TMEM65: variants seen among roughly 807,000 people sequenced by gnomAD.
The protein encoded by TMEM65 is transmembrane protein 65.
Under a neutral mutation model 25.4 loss-of-function variants are expected in TMEM65, and 22 were observed. That is an observed-to-expected ratio of 0.86 (90% CI 0.62 to 1.23). The LOEUF is 1.23. Among genes scored for constraint, TMEM65 ranks in the 50% most tolerant of loss-of-function variants. TMEM65 has a pLI of 0.00. For missense variants in TMEM65, 262 were observed against 308.2 expected, an observed-to-expected ratio of 0.85 and a Z score of 1.12; for synonymous variants, 132 against 126.2, an observed-to-expected ratio of 1.05 and a Z score of -0.31.
chr8:124,350,920 C>A, intron 1 of TMEM65: 1 of 870,968 alleles, frequency 1.1e-6, no homozygotes, highest in Non-Finnish European at 1.4e-6. Flanking sequence ...ATCATACAGA[C>A]AGTCAAAAAC....
At chr8:124,332,521 TAAAG>T (rs1814444615) in intron 1 of TMEM65, among the ~76,000 whole-genome samples, 1 of 152,026 alleles carries the variant, frequency 6.6e-6, no homozygotes, top group Admixed American at 6.6e-5. Flanking sequence ...CGTGTAGTAA[TAAAG>T]AAAAAAATCA....
rs1814182640 is a variant in TMEM65 at position 124,312,954 on chromosome 8, GAGA to G, written c.*1003_*1005del. ...GTATTCAGACTTATTCCATTCAGAT[GAGA>G]AGATGACATCTTTGGAGGGAAAAAA... is the stretch of plus-strand genomic sequence containing the variant. On this transcript the variant is annotated 3_prime_UTR_variant, in exon 7 of 7. Coordinates refer to ENST00000297632, the MANE Select transcript of TMEM65 (RefSeq NM_194291.3). 2 of 150,940 alleles carry G rather than the reference GAGA, an allele frequency of 1.3e-5. No individual in the cohort carries two copies. The highest frequency in any genetic ancestry group is 2.1e-4 in the South Asian group (1 of 4,818). 9.4% of individuals were successfully genotyped at this position (150,940 alleles called of 1,614,324 possible). A position where few individuals can be genotyped will look rare whatever the true frequency, so the allele number is the denominator to read the frequency against.
rs563697271 is a variant in TMEM65 at position 124,334,328 on chromosome 8, G to A, written c.305-3536C>T. On this transcript the variant is annotated intron_variant, in intron 1 of 6. Transcript: ENST00000297632. ...ATTAGCAGACAAAAACTTTAAAGGA[G>A]CAATTAAAATTGTATTCAAAGATGT... Among the ~76,000 whole-genome samples, 13 of 152,172 alleles carry A rather than the reference G, an allele frequency of 8.5e-5. No homozygotes were observed. In the South Asian group the frequency reaches 1.4e-3, roughly 17 times the overall value.
At chr8:124,323,516 A>G (rs901975801) in intron 3 of TMEM65, 141 bp from the exon 4 acceptor site, 57 of 365,622 alleles carry the variant, frequency 1.6e-4, no homozygotes, top group Non-Finnish European at 4.5e-5. Context: ...TGCACATATA[A>G]TATAGTAATT....
At chr8:124,337,351 C>T (rs1232688811) in intron 1 of TMEM65, among the ~76,000 whole-genome samples, 1 of 151,986 alleles carries the variant, frequency 6.6e-6, no homozygotes, top group East Asian at 1.9e-4. Flanking sequence ...AACCAGATGA[C>T]TATTCCTCAT....
chr8:124,322,426 C>A (rs1814315020), intron 4 of TMEM65, among the ~76,000 whole-genome samples: 1 of 152,068 alleles, frequency 6.6e-6, no homozygotes, highest in Non-Finnish European at 1.5e-5. Flanking sequence ...TTTGTAGTAT[C>A]TTTCATATAA....
intron 1 of TMEM65, chr8:124,351,219 G>T (rs1814703411): frequency 1.6e-6 from 1 of 633,204 alleles, no homozygotes; most frequent in Non-Finnish European, 2.0e-6. Context: ...CCACATGCTA[G>T]TATACAGGCA....
chr8:124,339,524 T>C (rs2131211648), intron 1 of TMEM65, among the ~76,000 whole-genome samples: 1 of 152,122 alleles, frequency 6.6e-6, no homozygotes, highest in East Asian at 1.9e-4. Flanking sequence ...TTAATCTGTC[T>C]AATGTTTTTC....
intron 1 of TMEM65, among the ~76,000 whole-genome samples, chr8:124,336,441 A>G (rs1172267464): frequency 6.6e-6 from 1 of 152,024 alleles, no homozygotes; most frequent in Non-Finnish European, 1.5e-5. Context: ...ATTCCTCAAA[A>G]TAGAACATAT....
chr8:124,335,944 A>T (rs1325191715), intron 1 of TMEM65, among the ~76,000 whole-genome samples: 1 of 152,090 alleles, frequency 6.6e-6, no homozygotes, highest in African/African-American at 2.4e-5. Context: ...AGAGACTACA[A>T]AAACGAACAA....
intron 2 of TMEM65, 141 bp from the exon 3 acceptor site, chr8:124,327,562 G>A (rs1249374846): frequency 1.8e-6 from 1 of 544,810 alleles, no homozygotes; most frequent in South Asian, 2.9e-5. Flanking sequence ...GCCAATAGAT[G>A]CTGCTACTGC....
At position 124,371,963 on chromosome 8, in the gene TMEM65, C is replaced by A; in HGVS notation, c.195G>T (p.Ala65=). The change falls in exon 1 of 7, where the codon GCG becomes GCT. Residue 65 remains alanine, a synonymous_variant. Transcript: ENST00000297632. ...GTHPKKEPME[A]LNTAQGARDF... ...CGCGCGCGCCCTGCGCCGTGTTCAGCGCCTCCATGGGCTCCTTCTTGGGGT... is the reference window on the plus strand; with the variant it reads ...CGCGCGCGCCCTGCGCCGTGTTCAGAGCCTCCATGGGCTCCTTCTTGGGGT... 6.7e-7 allele frequency: 1 copy of A among 1,502,666 alleles called. No homozygotes were observed. The allele number at this position is 1,502,666 out of a possible 1,614,324, so 93.1% of individuals were successfully genotyped here.
chr8:124,351,983 A>T (rs1434740676), intron 1 of TMEM65, among the ~76,000 whole-genome samples: 1 of 152,188 alleles, frequency 6.6e-6, no homozygotes, highest in Non-Finnish European at 1.5e-5. Flanking sequence ...ACATCACGTT[A>T]TCACTGGGAG....
intron 1 of TMEM65, among the ~76,000 whole-genome samples, chr8:124,359,826 T>C (rs931739406): frequency 2.6e-5 from 4 of 152,162 alleles, no homozygotes; most frequent in East Asian, 1.9e-4. Context: ...TGCTAACCTT[T>C]TGGCTTAGTA....
chr8:124,348,388 C>T (rs1246010857), intron 1 of TMEM65, among the ~76,000 whole-genome samples: 1 of 151,722 alleles, frequency 6.6e-6, no homozygotes, highest in Non-Finnish European at 1.5e-5. Context: ...AATTATATTC[C>T]TTCCCTTCTT....
At chr8:124,317,813 C>T (rs1814256461) in intron 6 of TMEM65, among the ~76,000 whole-genome samples, 1 of 152,158 alleles carries the variant, frequency 6.6e-6, no homozygotes, top group African/African-American at 2.4e-5. Flanking sequence ...TTCTCCCTTG[C>T]TGGCTCTGAA....
Position 124,366,208 on chromosome 8 carries a change from C to T in TMEM65, c.304+5646G>A, listed in dbSNP as rs893654909. Among the ~76,000 whole-genome samples the T allele has an allele frequency of 3.9e-5, 6 of 152,244 alleles. No individual in the cohort carries two copies. In the South Asian group the frequency reaches 6.2e-4, roughly 16 times the overall value. The stretch of plus-strand genomic sequence containing the variant: ...CTGCACTCCAGACTGAGTGACAGCA[C>T]GAGACTCCGTCTCAAAAAAGAGAAA... On this transcript the variant is annotated intron_variant, in intron 1 of 6. Coordinates refer to ENST00000297632, the MANE Select transcript of TMEM65 (RefSeq NM_194291.3).
At chr8:124,362,309 A>T (rs1563600027) in intron 1 of TMEM65, among the ~76,000 whole-genome samples, 1 of 152,114 alleles carries the variant, frequency 6.6e-6, no homozygotes. Flanking sequence ...AAATGAAGGA[A>T]TTTTTTAAAA....
At chr8:124,322,268 C>T (rs1814311942) in intron 4 of TMEM65, 121 bp from the exon 5 acceptor site, 1 of 654,720 alleles carries the variant, frequency 1.5e-6, no homozygotes, top group East Asian at 3.1e-5. Flanking sequence ...CAACCATATC[C>T]AAAGTAACTC....
Sources: allele counts gnomAD v4.1 joint callset (sites outside exome capture counted in the v4.1 genomes callset), GRCh38; gene constraint gnomAD v4.1.1; transcripts MANE v1.5; gene names NCBI Gene and HGNC (gene_info 2026-07-23, HGNC 2026-07-21).